Variants in TMEM200A observed in about 807,000 individuals in gnomAD.
TMEM200A encodes two transmembrane C.
In TMEM200A, 12 loss-of-function variants were observed where a neutral mutation model predicts 24.3. The ratio of observed to expected loss-of-function variants is 0.49; its 90% CI spans 0.32 to 0.80. The LOEUF (loss-of-function observed/expected upper bound fraction) is 0.80, where lower values mean the gene tolerates loss of function less well. TMEM200A is among the 30% of genes least tolerant of loss of function. The probability of loss-of-function intolerance (pLI) is 0.04; values close to 1 mark genes in which losing one functional copy is unlikely to be tolerated. For missense variants in TMEM200A, 545 were observed against 614.4 expected, an observed-to-expected ratio of 0.89 and a Z score of 1.19; for synonymous variants, 224 against 224.4, an observed-to-expected ratio of 1.00 and a Z score of 0.02.
intron 2 of TMEM200A, among the ~76,000 whole-genome samples, chr6:130,431,725 A>G (rs1261039420): frequency 6.6e-6 from 1 of 152,054 alleles, no homozygotes; most frequent in African/African-American, 2.4e-5. Flanking sequence ...TTTGGAGAGC[A>G]CTTGTTCTAT....
rs982892742 is a variant in TMEM200A at position 130,442,848 on chromosome 6, C to T, written c.*950C>T. On this transcript the variant is annotated 3_prime_UTR_variant, in exon 3 of 3. Coordinates refer to ENST00000296978, the MANE Select transcript of TMEM200A (RefSeq NM_001258277.2). ...TCTTTAGATCCTAGTATTTGGAAAA[C>T]AATCGGCTAACCTTGACATTTCTTT... The T allele has an allele frequency of 6.0e-6, 1 of 166,972 alleles. No homozygotes were observed. The highest frequency in any genetic ancestry group is 6.5e-5 in the Admixed American group (1 of 15,274). The allele number at this position is 166,972 out of a possible 1,614,324, so 10.3% of individuals were successfully genotyped here.
At chr6:130,410,402 C>G (rs376881772) in intron 2 of TMEM200A, among the ~76,000 whole-genome samples, 1 of 152,036 alleles carries the variant, frequency 6.6e-6, no homozygotes, top group Admixed American at 6.5e-5. Context: ...ATGTCTAAAT[C>G]CAGATGATTT....
intron 2 of TMEM200A, among the ~76,000 whole-genome samples, chr6:130,402,596 A>G (rs564263995): frequency 2.6e-5 from 4 of 152,094 alleles, no homozygotes; most frequent in East Asian, 1.9e-4. Flanking sequence ...ATTCTTCAGC[A>G]TATATCATAG....
intron 2 of TMEM200A, among the ~76,000 whole-genome samples, chr6:130,386,246 G>A (rs460146): frequency 1.3e-5 from 2 of 152,182 alleles, no homozygotes; most frequent in Non-Finnish European, 2.9e-5. Flanking sequence ...AAGCTCAGAG[G>A]AAGGGTCGGG....
intron 1 of TMEM200A, among the ~76,000 whole-genome samples, chr6:130,371,607 A>G (rs985475245): frequency 6.6e-6 from 1 of 152,220 alleles, no homozygotes; most frequent in African/African-American, 2.4e-5. Flanking sequence ...GTGAAAGTGG[A>G]TAACATTCAT....
At position 130,440,638 on chromosome 6, in the gene TMEM200A, C is replaced by T; in HGVS notation, c.216C>T (p.Ser72=). ...GFFLILGVLI[S]IIGIAMAVLG... Reference sequence around the variant, plus strand: ...TTCTTATTTTAGGAGTGCTCATCTCCATTATAGGAATTGCTATGGCCGTTC... The same window carrying T: ...TTCTTATTTTAGGAGTGCTCATCTCTATTATAGGAATTGCTATGGCCGTTC... Residue 72 remains serine, a synonymous_variant, in exon 3 of 3, where the codon TCC becomes TCT. Transcript: ENST00000296978. The T allele has an allele frequency of 6.2e-7, 1 of 1,613,850 alleles. No homozygotes were observed. Among genetic ancestry groups the T allele is most frequent in the Non-Finnish European group, 8.5e-7 (1 of 1,179,808 alleles).
chr6:130,393,665 TA>T (rs1778887644), intron 2 of TMEM200A, among the ~76,000 whole-genome samples: 1 of 152,196 alleles, frequency 6.6e-6, no homozygotes, highest in Non-Finnish European at 1.5e-5. Context: ...CTAAAAACAA[TA>T]GTCTGAAGAG....
Position 130,441,049 on chromosome 6 carries a change from G to C in TMEM200A, c.627G>C (p.Thr209=), listed in dbSNP as rs183247605. The C allele has an allele frequency of 1.9e-6, 3 of 1,613,934 alleles. No individual in the cohort carries two copies. Among genetic ancestry groups the C allele is most frequent in the Non-Finnish European group, 2.5e-6 (3 of 1,179,964 alleles). ...GTGCCTCGAGATTGGCAGCAAATACGATCGCCTCTTTCTCGGGTTTTCGGA... is the reference window on the plus strand; with the variant it reads ...GTGCCTCGAGATTGGCAGCAAATACCATCGCCTCTTTCTCGGGTTTTCGGA... ...SSCASRLAAN[T]IASFSGFRSS... The change falls in exon 3 of 3, where the codon ACG becomes ACC. Residue 209 remains threonine, a synonymous_variant. Transcript: ENST00000296978.
At chr6:130,434,678 T>A (rs1252110571) in intron 2 of TMEM200A, among the ~76,000 whole-genome samples, 1 of 152,064 alleles carries the variant, frequency 6.6e-6, no homozygotes, top group Non-Finnish European at 1.5e-5. Context: ...AGCCTGAAGA[T>A]TAGAACGGAC....
chr6:130,380,231 A>G (rs1226659567), intron 1 of TMEM200A, among the ~76,000 whole-genome samples: 2 of 152,208 alleles, frequency 1.3e-5, no homozygotes, highest in Middle Eastern at 3.2e-3. Context: ...AAATAGTGAT[A>G]GAATAGTGCA....
intron 2 of TMEM200A, among the ~76,000 whole-genome samples, chr6:130,413,995 TATTTA>T (rs1346058010): frequency 2.0e-5 from 3 of 152,210 alleles, no homozygotes; most frequent in African/African-American, 7.2e-5. Flanking sequence ...GTTAGAGTAT[TATTTA>T]TTTTTTACTT....
intron 2 of TMEM200A, among the ~76,000 whole-genome samples, chr6:130,423,226 C>A (rs112778542): frequency 0.011 from 1,693 of 152,244 alleles, 12 homozygotes; most frequent in Middle Eastern, 0.024. Flanking sequence ...CTTGTTACTA[C>A]AGGGACATTT....
At chr6:130,375,523 A>G (rs1778433975) in intron 1 of TMEM200A, among the ~76,000 whole-genome samples, 1 of 152,238 alleles carries the variant, frequency 6.6e-6, no homozygotes, top group South Asian at 2.1e-4. Flanking sequence ...CAGGAAACAT[A>G]TAAATGAGCA....
At chr6:130,417,725 C>T (rs1007387074) in intron 2 of TMEM200A, among the ~76,000 whole-genome samples, 1 of 152,156 alleles carries the variant, frequency 6.6e-6, no homozygotes, top group Admixed American at 6.6e-5. Flanking sequence ...ATTTTAAAAA[C>T]TCCAAAGTCA....
In TMEM200A at chr6:130,442,021, G is replaced by A; in HGVS notation, c.*123G>A. 1 of 988,808 alleles carries A rather than the reference G, an allele frequency of 1.0e-6. No individual in the cohort carries two copies. Among genetic ancestry groups the A allele is most frequent in the Non-Finnish European group, 1.5e-6 (1 of 683,354 alleles). 61.3% of individuals were successfully genotyped at this position (988,808 alleles called of 1,614,324 possible). A position where few individuals can be genotyped will look rare whatever the true frequency, so the allele number is the denominator to read the frequency against. On this transcript the variant is annotated 3_prime_UTR_variant, in exon 3 of 3. Coordinates refer to ENST00000296978, the MANE Select transcript of TMEM200A (RefSeq NM_001258277.2). ...AATGGTTTGTAGTGTATTAGAATTG[G>A]CTGCTTAGTTCTGTAATGAAGATGG...
upstream of TMEM200A, chr6:130,365,896 G>A (rs1278508499): frequency 1.7e-4 from 169 of 985,570 alleles, no homozygotes; most frequent in Non-Finnish European, 2.0e-4. Flanking sequence ...TTGGGGCGGC[G>A]GCGAGATTGG....
intron 2 of TMEM200A, among the ~76,000 whole-genome samples, chr6:130,420,046 C>A (rs1449692490): frequency 1.3e-5 from 2 of 152,110 alleles, no homozygotes; most frequent in African/African-American, 4.8e-5. Flanking sequence ...GAAAGTGGAG[C>A]CCTCATGATC....
intron 1 of TMEM200A, among the ~76,000 whole-genome samples, chr6:130,376,976 C>G (rs148279347): frequency 6.6e-6 from 1 of 152,288 alleles, no homozygotes; most frequent in East Asian, 1.9e-4. Flanking sequence ...ATTAATGATG[C>G]TTGTTAATGA....
At chr6:130,386,753 G>A (rs72992464) in intron 2 of TMEM200A, among the ~76,000 whole-genome samples, 3 of 152,154 alleles carry the variant, frequency 2.0e-5, no homozygotes, top group Admixed American at 6.5e-5. Context: ...TAAGAATGTC[G>A]TTTCGACAGA....
Sources: gnomAD v4.1 joint callset for allele counts (sites outside exome capture counted in the v4.1 genomes callset) on GRCh38, gnomAD v4.1.1 for gene constraint, MANE v1.5 for transcripts, NCBI Gene and HGNC (gene_info 2026-07-23, HGNC 2026-07-21) for gene names.